Variants in NR6A1 observed in about 807,000 individuals in gnomAD.
NR6A1 encodes the protein retinoic acid receptor-related testis-associated receptor.
NR6A1 carries 7 observed loss-of-function variants against 59.1 expected under a neutral mutation model. The observed-to-expected ratio is 0.12, with a 90% CI of 0.07 to 0.22. The LOEUF (loss-of-function observed/expected upper bound fraction) is 0.22, where lower values mean the gene tolerates loss of function less well. Among genes scored for constraint, NR6A1 ranks in the 10% least tolerant of loss-of-function variants. The pLI is 1.00. For synonymous variants in NR6A1, 243 were observed against 236.1 expected (o/e 1.03, Z -0.27); for missense variants, 468 against 611.6 (o/e 0.77, Z 2.48).
intron 2 of NR6A1, among the ~76,000 whole-genome samples, chr9:124,715,351 C>A (rs1345085119): frequency 6.6e-6 from 1 of 151,636 alleles, no homozygotes; most frequent in Admixed American, 6.6e-5. Context: ...AGTGAGACCC[C>A]GTCTCTACAA....
At chr9:124,668,974 A>C (rs1252379173) in intron 2 of NR6A1, among the ~76,000 whole-genome samples, 1 of 152,262 alleles carries the variant, frequency 6.6e-6, no homozygotes, top group Non-Finnish European at 1.5e-5. Context: ...AATAAACATA[A>C]GTAGGGATCT....
intron 2 of NR6A1, among the ~76,000 whole-genome samples, chr9:124,571,832 C>T (rs1458862025): frequency 6.6e-6 from 1 of 152,022 alleles, no homozygotes; most frequent in Non-Finnish European, 1.5e-5. Context: ...CCATGTTTCT[C>T]TGTGTTCCAT....
chr9:124,745,273 T>C (rs1161704785), intron 1 of NR6A1, among the ~76,000 whole-genome samples: 1 of 152,156 alleles, frequency 6.6e-6, no homozygotes, highest in East Asian at 1.9e-4. Flanking sequence ...AAAAACACTT[T>C]GGTCCATTTT....
At chr9:124,683,846 G>A (rs1241509329) in intron 2 of NR6A1, among the ~76,000 whole-genome samples, 2 of 152,138 alleles carry the variant, frequency 1.3e-5, no homozygotes, top group Non-Finnish European at 1.5e-5. Context: ...TCATTTTACA[G>A]ATGAAAACCT....
intron 2 of NR6A1, among the ~76,000 whole-genome samples, chr9:124,724,098 G>A (rs549715837): frequency 1.3e-5 from 2 of 152,246 alleles, no homozygotes; most frequent in South Asian, 4.1e-4. Context: ...ATATCCTTCC[G>A]TTAAAAACAT....
At chr9:124,615,501 T>A (rs7874367) in intron 2 of NR6A1, among the ~76,000 whole-genome samples, 91,545 of 152,128 alleles carry the variant, frequency 0.6, 28,986 homozygotes, top group African/African-American at 0.81. Context: ...AAGGTTATTA[T>A]AATCAGTAGC....
At chr9:124,537,689 G>A (rs1472484444) in intron 6 of NR6A1, among the ~76,000 whole-genome samples, 1 of 152,176 alleles carries the variant, frequency 6.6e-6, no homozygotes, top group Non-Finnish European at 1.5e-5. Flanking sequence ...TAGCCATGGG[G>A]ATGCTGGTGA....
intron 2 of NR6A1, among the ~76,000 whole-genome samples, chr9:124,579,899 A>G (rs1223529359): frequency 6.6e-6 from 1 of 152,084 alleles, no homozygotes; most frequent in East Asian, 1.9e-4. Context: ...AATCCAAGCT[A>G]CTTGGGAGGC....
chr9:124,569,121 A>AT (rs1471340503), intron 2 of NR6A1, among the ~76,000 whole-genome samples: 1 of 152,150 alleles, frequency 6.6e-6, no homozygotes, highest in Admixed American at 6.5e-5. Flanking sequence ...TCAAAAAAAA[A>AT]TGAGCCTCAG....
At position 124,618,019 on chromosome 9, in the gene NR6A1, C is replaced by G. The variant is rs545560337; in HGVS notation, c.143-63449G>C. Among the ~76,000 whole-genome samples, 92 of 152,268 alleles carry G rather than the reference C, an allele frequency of 6.0e-4. 1 individual carries two copies. In the South Asian group the frequency reaches 0.018, roughly 30 times the overall value. On this transcript the variant is annotated intron_variant, in intron 2 of 9. Transcript: ENST00000487099. ...CCAACCCCTGGGGAGACTAAACAGG[C>G]GATGCATTATGCTGCTGGCCTCATT...
rs969370357 is a variant in NR6A1, at chr9:124,572,805, A to G, written c.143-18235T>C. 2.0e-5 allele frequency among the ~76,000 whole-genome samples: 3 copies of G among 152,346 alleles called. No individual in the cohort carries two copies. In the East Asian group the frequency reaches 5.8e-4, roughly 29 times the overall value. ...CTACAGGAAGAGCACTGTGGACATGACAGAGATGATGGTCTTTTCCAAGGT... is the reference window on the plus strand; with the variant it reads ...CTACAGGAAGAGCACTGTGGACATGGCAGAGATGATGGTCTTTTCCAAGGT... On this transcript the variant is annotated intron_variant, in intron 2 of 9. Transcript: ENST00000487099.
intron 2 of NR6A1, among the ~76,000 whole-genome samples, chr9:124,581,461 G>A (rs1329290818): frequency 1.3e-5 from 2 of 152,022 alleles, no homozygotes; most frequent in Non-Finnish European, 2.9e-5. Flanking sequence ...GCATGGTGGT[G>A]CATGCCTGTA....
chr9:124,644,454 G>A (rs1246794705), intron 2 of NR6A1, among the ~76,000 whole-genome samples: 1 of 151,746 alleles, frequency 6.6e-6, no homozygotes, highest in Non-Finnish European at 1.5e-5. Flanking sequence ...GTTTCACCAT[G>A]TTGGCCAGGC....
intron 1 of NR6A1, among the ~76,000 whole-genome samples, chr9:124,740,311 GT>G (rs1168588986): frequency 6.6e-6 from 1 of 152,132 alleles, no homozygotes; most frequent in Non-Finnish European, 1.5e-5. Flanking sequence ...TGAAACTATA[GT>G]TTTTCAGGGA....
At chr9:124,742,317 C>T (rs1239796135) in intron 1 of NR6A1, among the ~76,000 whole-genome samples, 1 of 152,094 alleles carries the variant, frequency 6.6e-6, no homozygotes, top group African/African-American at 2.4e-5. Flanking sequence ...AATCCCAGCA[C>T]TTTGGAAGGC....
intron 2 of NR6A1, among the ~76,000 whole-genome samples, chr9:124,625,212 T>C (rs1836201525): frequency 6.6e-6 from 1 of 151,950 alleles, no homozygotes; most frequent in South Asian, 2.1e-4. Flanking sequence ...TCCGAATCTG[T>C]CTAGTTTTAG....
intron 2 of NR6A1, among the ~76,000 whole-genome samples, chr9:124,568,836 G>A (rs1026203896): frequency 1.3e-5 from 2 of 151,752 alleles, no homozygotes; most frequent in Admixed American, 6.5e-5. Flanking sequence ...GCCTCAGGCC[G>A]GGCACAGTGG....
rs144631698 is a variant in NR6A1 at position 124,597,127 on chromosome 9, A to G, written c.143-42557T>C. On this transcript the variant is annotated intron_variant, in intron 2 of 9. Transcript: ENST00000487099. Reference sequence around the variant, plus strand: ...ACTAGAGGGCTTTTCTAACCAACAGAGAGCATTAGGGTCATCTTACAAAGT... The same window carrying G: ...ACTAGAGGGCTTTTCTAACCAACAGGGAGCATTAGGGTCATCTTACAAAGT... 8.7e-4 allele frequency among the ~76,000 whole-genome samples: 132 copies of G among 152,334 alleles called. 3 individuals are homozygous for G. The East Asian group carries it at 0.025, about 29-fold the overall frequency.
chr9:124,553,670 T>C (rs1833849035), intron 3 of NR6A1, among the ~76,000 whole-genome samples: 1 of 147,360 alleles, frequency 6.8e-6, no homozygotes, highest in Non-Finnish European at 1.5e-5. Flanking sequence ...CCAACTCCTA[T>C]CAGATGAGTT....
Sources: gnomAD v4.1 joint callset for allele counts (sites outside exome capture counted in the v4.1 genomes callset) on GRCh38, gnomAD v4.1.1 for gene constraint, MANE v1.5 for transcripts, NCBI Gene and HGNC (gene_info 2026-07-23, HGNC 2026-07-21) for gene names.